EYS: variants seen among roughly 807,000 people sequenced by gnomAD.
EYS encodes protein eyes shut homolog.
Under a neutral mutation model 282.1 loss-of-function variants are expected in EYS, and 250 were observed. The observed-to-expected ratio is 0.89, with a 90% CI of 0.80 to 0.98. The LOEUF (loss-of-function observed/expected upper bound fraction) is 0.98, where lower values mean the gene tolerates loss of function less well. Ranked by LOEUF, EYS falls within the 50% of genes least tolerant of loss-of-function variation. The pLI is 0.00. For synonymous variants in EYS, 1,355 were observed against 1,282.9 expected (o/e 1.06, Z -1.20); for missense variants, 4,016 against 3,709.0 (o/e 1.08, Z -2.15).
chr6:64,643,033 TG>T (rs1768219674), intron 22 of EYS, among the ~76,000 whole-genome samples: 1 of 151,824 alleles, frequency 6.6e-6, no homozygotes. Flanking sequence ...GAGAATCACT[TG>T]AACCTGGGAG....
intron 5 of EYS, among the ~76,000 whole-genome samples, chr6:65,457,872 G>A (rs1005654390): frequency 1.3e-5 from 2 of 152,134 alleles, no homozygotes; most frequent in African/African-American, 4.8e-5. Context: ...ATGGCCCACA[G>A]TAGTAGCCAT....
At chr6:65,621,576 G>C (rs1766496764) in intron 2 of EYS, among the ~76,000 whole-genome samples, 1 of 150,486 alleles carries the variant, frequency 6.6e-6, no homozygotes, top group Non-Finnish European at 1.5e-5. Flanking sequence ...ATTGTTATGT[G>C]TGAATTTGAT....
At chr6:64,413,995 T>G (rs1240620295) in intron 28 of EYS, among the ~76,000 whole-genome samples, 1 of 152,078 alleles carries the variant, frequency 6.6e-6, no homozygotes, top group Admixed American at 6.6e-5. Flanking sequence ...AACCAGGAAT[T>G]TTGCCCTTAC....
intron 5 of EYS, among the ~76,000 whole-genome samples, chr6:65,433,569 C>A (rs1767960040): frequency 6.6e-6 from 1 of 152,106 alleles, no homozygotes; most frequent in South Asian, 2.1e-4. Flanking sequence ...AGTAATAACA[C>A]CCAGCCAAGT....
At chr6:64,884,070 G>A (rs1321029826) in intron 19 of EYS, among the ~76,000 whole-genome samples, 1 of 151,508 alleles carries the variant, frequency 6.6e-6, no homozygotes, top group East Asian at 1.9e-4. Context: ...CTGATAGCCT[G>A]TGTACATATT....
intron 35 of EYS, among the ~76,000 whole-genome samples, chr6:63,881,517 A>T (rs1418269989): frequency 6.6e-6 from 1 of 152,168 alleles, no homozygotes. Context: ...AATATATATA[A>T]ATTATGAGTT....
rs562094881 is a variant in EYS, at chr6:65,614,909, T to C, written c.-333+24869A>G. Among the ~76,000 whole-genome samples the C allele has an allele frequency of 5.1e-4, 77 of 152,194 alleles. 1 individual carries two copies. Among genetic ancestry groups the C allele is most frequent in the Admixed American group, 4.6e-3 (71 of 15,274 alleles). ...TTATAGACATAAACACATACATGCA[T>C]GTTTGTGTGTGCATGTATACACACT... On this transcript the variant is annotated intron_variant, in intron 2 of 42. Transcript: ENST00000503581.
At chr6:64,845,411 A>T (rs965299146) in intron 19 of EYS, among the ~76,000 whole-genome samples, 3 of 152,142 alleles carry the variant, frequency 2.0e-5, no homozygotes, top group Admixed American at 2.0e-4. Flanking sequence ...TTGGTCTTAG[A>T]ATCTTTATTC....
chr6:65,442,451 T>C (rs12665793), intron 5 of EYS, among the ~76,000 whole-genome samples: 28,038 of 151,904 alleles, frequency 0.18, 3,203 homozygotes, highest in Middle Eastern at 0.3. Context: ...CTACTGTTTT[T>C]CATAAATTTT....
chr6:63,745,746 T>G (rs1206935593), intron 41 of EYS, among the ~76,000 whole-genome samples: 1 of 152,208 alleles, frequency 6.6e-6, no homozygotes, highest in Non-Finnish European at 1.5e-5. Flanking sequence ...TATTATGGAC[T>G]AAATATTTCT....
chr6:64,814,772 C>A (rs1429918928), intron 21 of EYS, among the ~76,000 whole-genome samples: 3 of 151,832 alleles, frequency 2.0e-5, no homozygotes, highest in East Asian at 1.9e-4. Flanking sequence ...TCTTAATGAA[C>A]CTAAACCAAC....
At chr6:65,179,299 A>C (rs922848117) in intron 12 of EYS, among the ~76,000 whole-genome samples, 2 of 152,126 alleles carry the variant, frequency 1.3e-5, no homozygotes, top group African/African-American at 4.8e-5. Context: ...AAAGATCAAC[A>C]AAATTGATAG....
intron 5 of EYS, among the ~76,000 whole-genome samples, chr6:65,463,644 C>T (rs1042418068): frequency 2.9e-4 from 44 of 151,980 alleles, no homozygotes; most frequent in African/African-American, 1.1e-3. Flanking sequence ...TCAAATATTG[C>T]TTGATGTGTT....
chr6:65,484,153 T>C lies in EYS; in HGVS notation c.862+6441A>G, dbSNP rs545943780. Reference sequence around the variant, plus strand: ...AAAATATTTCAAAAAAAAAAAACCCTATTATAGTTACCAAACCTTTATAGG... The same window carrying C: ...AAAATATTTCAAAAAAAAAAAACCCCATTATAGTTACCAAACCTTTATAGG... On this transcript the variant is annotated intron_variant, in intron 5 of 42. Transcript: ENST00000503581. Among the ~76,000 whole-genome samples, 676 of 151,826 alleles carry C rather than the reference T, an allele frequency of 4.5e-3. 8 individuals carry two copies. Among genetic ancestry groups the C allele is most frequent in the African/African-American group, 0.015 (609 of 41,336 alleles).
Position 63,721,266 on chromosome 6 carries a change from A to G in EYS, c.8765T>C (p.Leu2922Pro), listed in dbSNP as rs1409954730. 2 of 1,551,828 alleles carry G rather than the reference A, an allele frequency of 1.3e-6. No homozygotes were observed. Among genetic ancestry groups the G allele is most frequent in the African/African-American group, 2.7e-5 (2 of 73,044 alleles). The change falls in exon 43 of 43, where the codon CTC becomes CCC. Residue 2922 changes from leucine to proline, a missense_variant. Leu to Pro is a moderately conservative substitution (Grantham distance 98, BLOSUM62 -3). Transcript: ENST00000503581. ...QSVSCLNNLCLHQSLCIPDQS... is the reference protein window; with the variant it reads ...QSVSCLNNLCPHQSLCIPDQS... ...GTCAGGTATACATAAAGATTGGTGG[A>G]GGCAAAGATTATTCAAACAGGACAC...
chr6:64,626,042 AC>A lies in EYS; in HGVS notation c.3568+78del. 6 of 840,542 alleles carry A rather than the reference AC, an allele frequency of 7.1e-6. No homozygotes were observed. The South Asian group carries it at 7.5e-5, about 10-fold the overall frequency. 52.1% of individuals were successfully genotyped at this position (840,542 alleles called of 1,614,324 possible). A position where few individuals can be genotyped will look rare whatever the true frequency, so the allele number is the denominator to read the frequency against. On this transcript the variant is annotated intron_variant, in intron 23 of 42. Coordinates refer to ENST00000503581, the MANE Select transcript of EYS (RefSeq NM_001142800.2). ...GAGTGGATTGTCAAAATTGTATTAT[AC>A]ATACATGTCCATATACATTTACATA...
intron 26 of EYS, among the ~76,000 whole-genome samples, chr6:64,457,731 T>A (rs1359158408): frequency 3.3e-5 from 5 of 152,014 alleles, no homozygotes; most frequent in Admixed American, 3.3e-4. Flanking sequence ...TCATTTTCAA[T>A]TTGTGGGTCC....
chr6:65,295,719 T>A, intron 12 of EYS, 144 bp downstream of exon 12: 1 of 750,636 alleles, frequency 1.3e-6, no homozygotes, highest in Non-Finnish European at 2.1e-6. Flanking sequence ...TGAATGCATT[T>A]TTTTTTTTAC....
chr6:65,340,750 C>T (rs1770168615), intron 10 of EYS, among the ~76,000 whole-genome samples: 1 of 151,194 alleles, frequency 6.6e-6, no homozygotes, highest in African/African-American at 2.4e-5. Flanking sequence ...GTGTTGTTTT[C>T]CCTTATTGAA....
Sources: allele counts gnomAD v4.1 joint callset (sites outside exome capture counted in the v4.1 genomes callset), GRCh38; gene constraint gnomAD v4.1.1; transcripts MANE v1.5; gene names NCBI Gene and HGNC (gene_info 2026-07-23, HGNC 2026-07-21).